The following GALNT13 variants were observed in gnomAD, a reference collection of about 807,000 sequenced individuals.
GALNT13 encodes polypeptide N-acetylgalactosaminyltransferase 13.
GALNT13 carries 28 observed loss-of-function variants against 64.2 expected under a neutral mutation model. The ratio of observed to expected loss-of-function variants is 0.44; its 90% confidence interval spans 0.32 to 0.60. The LOEUF (loss-of-function observed/expected upper bound fraction) is 0.60, where lower values mean the gene tolerates loss of function less well. Among genes scored for constraint, GALNT13 ranks in the 20% least tolerant of loss-of-function variants. The probability of loss-of-function intolerance (pLI) is 0.05; values close to 1 mark genes in which losing one functional copy is unlikely to be tolerated. For missense variants in GALNT13, 577 were observed against 669.8 expected (o/e 0.86, Z 1.53); for synonymous variants, 214 against 224.6 (o/e 0.95, Z 0.42).
At chr2:154,157,270 G>A (rs1218831512) in intron 4 of GALNT13, among the ~76,000 whole-genome samples, 1 of 152,064 alleles carries the variant, frequency 6.6e-6, no homozygotes, top group Non-Finnish European at 1.5e-5. Context: ...TTTCTCCACT[G>A]TTACTATGAA....
intron 7 of GALNT13, among the ~76,000 whole-genome samples, chr2:154,255,629 G>C (rs981752244): frequency 1.3e-5 from 2 of 151,984 alleles, no homozygotes; most frequent in African/African-American, 4.8e-5. Flanking sequence ...GAGAGAGGAG[G>C]CCATGAGGAA....
At chr2:153,613,861 C>T in the GALNT13 span, among the ~76,000 whole-genome samples, 14 of 151,800 alleles carry the variant, frequency 9.2e-5, no homozygotes, top group Admixed American at 5.3e-4. Flanking sequence ...TGGGGCCTGT[C>T]GTGGGGTGGG....
the GALNT13 span, among the ~76,000 whole-genome samples, chr2:153,544,482 T>A: frequency 6.6e-6 from 1 of 152,316 alleles, no homozygotes; most frequent in South Asian, 2.1e-4. Context: ...TTTAATTACT[T>A]GAATACTTGA....
At chr2:153,669,789 T>C in the GALNT13 span, among the ~76,000 whole-genome samples, 1 of 152,172 alleles carries the variant, frequency 6.6e-6, no homozygotes, top group African/African-American at 2.4e-5. Flanking sequence ...TGAGTGACCG[T>C]ACCTGGAGGA....
At chr2:153,445,448 G>T in the GALNT13 span, among the ~76,000 whole-genome samples, 1 of 152,162 alleles carries the variant, frequency 6.6e-6, no homozygotes, top group Admixed American at 6.5e-5. Flanking sequence ...TATGATCATG[G>T]TTCAATGCAG....
intron 10 of GALNT13, among the ~76,000 whole-genome samples, chr2:154,401,549 G>A (rs543505159): frequency 6.6e-6 from 1 of 152,194 alleles, no homozygotes; most frequent in Non-Finnish European, 1.5e-5. Context: ...TGTTGGGCTA[G>A]GCAACTCACC....
At chr2:153,747,059 TTTTTTAAA>T in the GALNT13 span, among the ~76,000 whole-genome samples, 1 of 152,122 alleles carries the variant, frequency 6.6e-6, no homozygotes, top group African/African-American at 2.4e-5. Context: ...GTTTTTGTAA[TTTTTTAAA>T]TTTTTAATCT....
the GALNT13 span, among the ~76,000 whole-genome samples, chr2:153,403,486 C>G: frequency 6.6e-6 from 1 of 152,174 alleles, no homozygotes; most frequent in African/African-American, 2.4e-5. Context: ...GCTTTGTTTA[C>G]CTAATCAAGC....
At chr2:153,251,211 A>G in the GALNT13 span, among the ~76,000 whole-genome samples, 5 of 152,200 alleles carry the variant, frequency 3.3e-5, no homozygotes, top group African/African-American at 7.2e-5. Context: ...TATTACTGGT[A>G]TATGTTACAA....
At chr2:154,364,642 GTTGTTTTGTTTTGTTTTGTTTTGTT>G (rs10618298) in intron 9 of GALNT13, among the ~76,000 whole-genome samples, 18 of 149,708 alleles carry the variant, frequency 1.2e-4, no homozygotes, top group South Asian at 1.1e-3. Flanking sequence ...CTTCACTTTT[GTTGTTTTGTTTTGTTTTGTTTTGTT>G]TTGTTTTGTT....
chr2:153,775,212 G>A, the GALNT13 span, among the ~76,000 whole-genome samples: 1 of 152,060 alleles, frequency 6.6e-6, no homozygotes, highest in Non-Finnish European at 1.5e-5. Context: ...CTAAAATAAT[G>A]TCATACTGAC....
chr2:153,528,994 C>G, the GALNT13 span, among the ~76,000 whole-genome samples: 1 of 151,384 alleles, frequency 6.6e-6, no homozygotes, highest in Admixed American at 6.6e-5. Context: ...AATAAAGAAC[C>G]AGAAATGCAT....
At chr2:153,672,216 C>T in the GALNT13 span, among the ~76,000 whole-genome samples, 4 of 152,178 alleles carry the variant, frequency 2.6e-5, no homozygotes, top group Non-Finnish European at 5.9e-5. Context: ...TAGACATCTA[C>T]AGAACCGTCC....
intron 4 of GALNT13, among the ~76,000 whole-genome samples, chr2:154,210,413 G>C (rs1292211465): frequency 6.6e-6 from 1 of 152,138 alleles, no homozygotes; most frequent in African/African-American, 2.4e-5. Flanking sequence ...CCTTTATACA[G>C]TTTCTCATAA....
chr2:153,803,262 T>A, the GALNT13 span, among the ~76,000 whole-genome samples: 1 of 152,218 alleles, frequency 6.6e-6, no homozygotes, highest in African/African-American at 2.4e-5. Flanking sequence ...GACGGAATTG[T>A]GTCCCCCAAA....
At chr2:153,643,794 T>C in the GALNT13 span, among the ~76,000 whole-genome samples, 17 of 152,182 alleles carry the variant, frequency 1.1e-4, no homozygotes, top group African/African-American at 3.8e-4. Context: ...GGTGGTTTGA[T>C]ATTATAAAAT....
the GALNT13 span, among the ~76,000 whole-genome samples, chr2:153,726,612 A>T: frequency 6.6e-6 from 1 of 152,120 alleles, no homozygotes; most frequent in Non-Finnish European, 1.5e-5. Context: ...CGAATAAACC[A>T]CGTCATTTGG....
At position 153,905,998 on chromosome 2, in the gene GALNT13, C is replaced by T. The variant is rs201081546; in HGVS notation, c.-105+4991C>T. 7.2e-5 allele frequency among the ~76,000 whole-genome samples: 11 copies of T among 151,878 alleles called. No individual in the cohort carries two copies. The East Asian group carries it at 1.4e-3, about 19-fold the overall frequency. The stretch of plus-strand genomic sequence containing the variant: ...AGTCCTAGGAGGAATAGAGCAGAGC[C>T]ATGGGAAATTTCATCAAGCTACACA... On this transcript the variant is annotated intron_variant, in intron 2 of 12. Transcript: ENST00000392825.
chr2:153,592,337 T>C, the GALNT13 span, among the ~76,000 whole-genome samples: 1 of 152,156 alleles, frequency 6.6e-6, no homozygotes, highest in African/African-American at 2.4e-5. Flanking sequence ...ACTACTTGTC[T>C]TCTACTCAAA....
Sources: allele counts gnomAD v4.1 joint callset (sites outside exome capture counted in the v4.1 genomes callset), GRCh38; gene constraint gnomAD v4.1.1; transcripts MANE v1.5; gene names NCBI Gene and HGNC (gene_info 2026-07-23, HGNC 2026-07-21).